Variants in DNAH8 observed in about 807,000 individuals in gnomAD.
The protein encoded by DNAH8 is axonemal beta dynein heavy chain 8.
In DNAH8, 382 loss-of-function variants were observed where a neutral mutation model predicts 562.1. The observed-to-expected ratio is 0.68, with a 90% confidence interval of 0.63 to 0.74. The LOEUF (loss-of-function observed/expected upper bound fraction) is 0.74. DNAH8 is among the 30% of genes least tolerant of loss of function. The pLI is 0.00. For synonymous variants in DNAH8, 1,881 were observed against 1,919.4 expected (o/e 0.98, Z 0.52); for missense variants, 5,203 against 5,620.4 (o/e 0.93, Z 2.37).
chr6:38,842,596 A>G (rs1774905954), intron 34 of DNAH8, 67 bp from the exon 35 acceptor site: 4 of 1,586,848 alleles, frequency 2.5e-6, no homozygotes, highest in Non-Finnish European at 2.6e-6. Context: ...ATAATAGTGT[A>G]TATACATAAA....
intron 41 of DNAH8, 49 bp from the exon 42 acceptor site, chr6:38,857,469 G>A (rs377557969): frequency 1.6e-6 from 2 of 1,280,426 alleles, no homozygotes; most frequent in African/African-American, 1.5e-5. Flanking sequence ...TATTGCAGAT[G>A]TGCTTTAAAT....
In DNAH8 at chr6:38,984,199, A is replaced by T; in HGVS notation, c.12952-7A>T. Reference sequence around the variant, plus strand: ...CAATTAATAATCCTTTTTTACTTTTAATAAAGGGTGTATCATGGAATACGG... The same window carrying T: ...CAATTAATAATCCTTTTTTACTTTTTATAAAGGGTGTATCATGGAATACGG... On this transcript the variant is annotated splice_polypyrimidine_tract_variant and splice_region_variant and intron_variant, in intron 86 of 92. Coordinates refer to ENST00000327475, the MANE Select transcript of DNAH8 (RefSeq NM_001206927.2). 1 of 1,492,064 alleles carries T rather than the reference A, an allele frequency of 6.7e-7. No homozygotes were observed. Among genetic ancestry groups the T allele is most frequent in the African/African-American group, 1.4e-5 (1 of 72,134 alleles). The allele number at this position is 1,492,064 out of a possible 1,614,324, so 92.4% of individuals were successfully genotyped here.
chr6:38,939,098 C>A (rs937131519), intron 79 of DNAH8, 110 bp downstream of exon 79: 3 of 836,760 alleles, frequency 3.6e-6, no homozygotes, highest in Non-Finnish European at 3.6e-6. Context: ...GATGTTCTAA[C>A]GAAAGTTTAA....
chr6:38,891,703 A>T (rs1350771613), intron 58 of DNAH8, among the ~76,000 whole-genome samples: 1 of 152,214 alleles, frequency 6.6e-6, no homozygotes, highest in Non-Finnish European at 1.5e-5. Flanking sequence ...AGCGTCTGAG[A>T]TAGTTTTCCG....
At chr6:38,915,839 C>CAT (rs1561857284) in intron 68 of DNAH8, among the ~76,000 whole-genome samples, 5 of 108,200 alleles carry the variant, frequency 4.6e-5, no homozygotes, top group African/African-American at 1.4e-4. Context: ...ATATAATACA[C>CAT]ACACACACAC....
rs1205173677 is a variant in DNAH8, at chr6:38,851,622, A to G, written c.5414A>G (p.Asp1805Gly). ...LLFPRFFFVS[D>G]PVLLEILGQA... ...TTTCCAAGATTCTTCTTTGTATCTGATCCAGTTCTCCTGGAAATTCTTGGA... is the reference window on the plus strand; with the variant it reads ...TTTCCAAGATTCTTCTTTGTATCTGGTCCAGTTCTCCTGGAAATTCTTGGA... Residue 1805 changes from aspartate to glycine, a missense_variant, in exon 39 of 93, where the codon GAT (aspartate) becomes GGT (glycine). Physicochemically the swap from Asp to Gly is moderately conservative, Grantham distance 94 (BLOSUM62 -1). Coordinates refer to ENST00000327475, the MANE Select transcript of DNAH8 (RefSeq NM_001206927.2). 5 of 1,612,200 alleles carry G rather than the reference A, an allele frequency of 3.1e-6. No individual in the cohort carries two copies. The highest frequency in any genetic ancestry group is 4.2e-6 in the Non-Finnish European group (5 of 1,179,404).
intron 75 of DNAH8, among the ~76,000 whole-genome samples, 180 bp downstream of exon 75, chr6:38,929,846 T>C (rs1041339556): frequency 5.9e-5 from 9 of 152,136 alleles, no homozygotes; most frequent in Admixed American, 2.0e-4. Context: ...AAATAAACTA[T>C]TTCCAGACTG....
chr6:38,773,939 T>C (rs1767819913), intron 12 of DNAH8, among the ~76,000 whole-genome samples: 1 of 151,978 alleles, frequency 6.6e-6, no homozygotes, highest in Admixed American at 6.6e-5. Flanking sequence ...AAGACTGATG[T>C]TGGGGTTGGA....
intron 53 of DNAH8, among the ~76,000 whole-genome samples, chr6:38,876,275 C>G (rs943645475): frequency 2.6e-5 from 4 of 152,182 alleles, no homozygotes; most frequent in African/African-American, 4.8e-5. Flanking sequence ...CCTTAGCCCC[C>G]CAGCCTTCCA....
chr6:38,984,470 G>GCACACACACACGCA, intron 87 of DNAH8, 163 bp downstream of exon 87: 1 of 506,396 alleles, frequency 2.0e-6, no homozygotes, highest in South Asian at 2.3e-5. Flanking sequence ...GCACACACAT[G>GCACACACACACGCA]CACACACACA....
At chr6:38,837,329 C>G (rs1039376057) in intron 32 of DNAH8, among the ~76,000 whole-genome samples, 1 of 152,154 alleles carries the variant, frequency 6.6e-6, no homozygotes, top group African/African-American at 2.4e-5. Flanking sequence ...GCTCATATGT[C>G]CTCACAGATG....
At position 38,781,363 on chromosome 6, in the gene DNAH8, A is replaced by G. The variant is rs1334942947; in HGVS notation, c.2249A>G (p.Asn750Ser). Residue 750 changes from asparagine (N) to serine (S), a missense_variant, in exon 16 of 93, where the codon AAT becomes AGT. Around this residue, in one of 6 missense-constraint regions of DNAH8, gnomAD observed 2,176 missense variants for 2,365.1 expected, o/e 0.92. Coordinates refer to ENST00000327475, the MANE Select transcript of DNAH8 (RefSeq NM_001206927.2). The part of the protein sequence containing the change: ...QLYRRISEPI[N>S]YFFKNSDILS... Reference sequence around the variant, plus strand: ...TATCGCCGGATAAGTGAGCCCATCAATTATTTCTTTGTAAGCCAAGAATTA... The same window carrying G: ...TATCGCCGGATAAGTGAGCCCATCAGTTATTTCTTTGTAAGCCAAGAATTA... The G allele has an allele frequency of 3.7e-6, 6 of 1,613,040 alleles. No individual in the cohort carries two copies. The highest frequency in any genetic ancestry group is 3.3e-5 in the South Asian group (3 of 90,740).
At chr6:38,715,919 TAAATAA>T (rs1253565725) in intron 1 of DNAH8, among the ~76,000 whole-genome samples, 3,044 of 43,152 alleles carry the variant, frequency 0.071, 221 homozygotes, top group East Asian at 0.2. Context: ...AATAAATAAA[TAAATAA>T]ATATATATAT....
chr6:38,738,315 C>T (rs1764261314), intron 7 of DNAH8, among the ~76,000 whole-genome samples: 1 of 152,148 alleles, frequency 6.6e-6, no homozygotes, highest in Non-Finnish European at 1.5e-5. Flanking sequence ...AGTGAAGAGC[C>T]AGAGTGCTAG....
intron 88 of DNAH8, among the ~76,000 whole-genome samples, chr6:39,005,832 A>T (rs1765764210): frequency 6.6e-6 from 1 of 152,214 alleles, no homozygotes; most frequent in South Asian, 2.1e-4. Context: ...TTTCTAGATA[A>T]TCTGCTCTTT....
At chr6:38,960,922 T>C (rs1293428324) in intron 82 of DNAH8, among the ~76,000 whole-genome samples, 2 of 151,918 alleles carry the variant, frequency 1.3e-5, no homozygotes, top group Non-Finnish European at 2.9e-5. Context: ...AGCCAAGATA[T>C]AGAATCACCC....
At chr6:38,961,113 C>T (rs1392696777) in intron 82 of DNAH8, among the ~76,000 whole-genome samples, 2 of 152,016 alleles carry the variant, frequency 1.3e-5, no homozygotes, top group East Asian at 3.9e-4. Context: ...TGATCTCACT[C>T]TTGAGAATCT....
intron 24 of DNAH8, among the ~76,000 whole-genome samples, chr6:38,808,941 G>C (rs958406311): frequency 1.4e-5 from 2 of 146,110 alleles, no homozygotes; most frequent in African/African-American, 2.8e-5. Context: ...GGCCTGTCAG[G>C]GGGTGTGGGG....
At position 38,788,254 on chromosome 6, in the gene DNAH8, C is replaced by T. The variant is rs11962470; in HGVS notation, c.2583+1302C>T. ...GCAACCTCCGCCTCCTGGGTTCAAG[C>T]GATTCTCCTGCTTCAGCCTCCCGAA... On this transcript the variant is annotated intron_variant, in intron 18 of 92. Coordinates refer to ENST00000327475, the MANE Select transcript of DNAH8 (RefSeq NM_001206927.2). 3.8e-3 allele frequency among the ~76,000 whole-genome samples: 579 copies of T among 151,988 alleles called. 3 individuals carry two copies. Among genetic ancestry groups the T allele is most frequent in the Middle Eastern group, 0.024 (7 of 294 alleles).
Sources: gnomAD v4.1 joint callset for allele counts (sites outside exome capture counted in the v4.1 genomes callset) on GRCh38, gnomAD v4.1.1 for gene constraint, gnomAD v4.1.1 regional missense constraint, MANE v1.5 for transcripts, NCBI Gene and HGNC (gene_info 2026-07-23, HGNC 2026-07-21) for gene names.